SNTG1: variants seen among roughly 807,000 people sequenced by gnomAD.
The protein encoded by SNTG1 is syntrophin gamma 1.
Under a neutral mutation model 74.7 loss-of-function variants are expected in SNTG1, and 39 were observed. That is an observed-to-expected ratio of 0.52 (90% CI 0.40 to 0.68). The LOEUF (loss-of-function observed/expected upper bound fraction) is 0.68, where lower values mean the gene tolerates loss of function less well. SNTG1 is among the 30% of genes least tolerant of loss of function. The pLI is 0.00. For missense variants in SNTG1, 685 were observed against 609.5 expected, an observed-to-expected ratio of 1.12 and a Z score of -1.30; for synonymous variants, 254 against 217.1, an observed-to-expected ratio of 1.17 and a Z score of -1.49.
At chr8:50,414,485 T>G (rs1196443465) in intron 4 of SNTG1, among the ~76,000 whole-genome samples, 3 of 152,138 alleles carry the variant, frequency 2.0e-5, no homozygotes, top group Non-Finnish European at 4.4e-5. Flanking sequence ...CCTGTCCTGC[T>G]TGGGTCCTTC....
At chr8:50,591,202 A>G (rs1001471361) in intron 13 of SNTG1, among the ~76,000 whole-genome samples, 1 of 152,116 alleles carries the variant, frequency 6.6e-6, no homozygotes, top group African/African-American at 2.4e-5. Flanking sequence ...TTTTATTTAC[A>G]TATGTTAGTT....
intron 1 of SNTG1, among the ~76,000 whole-genome samples, chr8:50,164,824 C>G (rs1211136572): frequency 6.6e-6 from 1 of 152,110 alleles, no homozygotes; most frequent in Non-Finnish European, 1.5e-5. Flanking sequence ...ACTTATTATG[C>G]TCCTTGGCTT....
chr8:50,667,799 T>G (rs2095257867), intron 15 of SNTG1, among the ~76,000 whole-genome samples: 1 of 151,982 alleles, frequency 6.6e-6, no homozygotes, highest in Non-Finnish European at 1.5e-5. Flanking sequence ...GCTTTACATT[T>G]TATTAAGTAA....
chr8:50,448,892 G>A (rs977378091), intron 5 of SNTG1, among the ~76,000 whole-genome samples: 1 of 83,568 alleles, frequency 1.2e-5, no homozygotes, highest in African/African-American at 2.6e-5. Context: ...AATTAGCTGG[G>A]CATGGCGCAC....
intron 2 of SNTG1, among the ~76,000 whole-genome samples, chr8:50,286,126 T>A (rs968894003): frequency 6.6e-6 from 1 of 152,158 alleles, no homozygotes; most frequent in South Asian, 2.1e-4. Context: ...CTGTTCTGTT[T>A]TCTGTTCTAT....
chr8:50,160,350 G>A (rs2082377064), intron 1 of SNTG1, among the ~76,000 whole-genome samples: 1 of 152,112 alleles, frequency 6.6e-6, no homozygotes. Flanking sequence ...ATGGTAACTG[G>A]TAACCTTTTG....
intron 1 of SNTG1, among the ~76,000 whole-genome samples, chr8:50,094,604 T>C (rs1268544554): frequency 6.6e-6 from 1 of 152,030 alleles, no homozygotes; most frequent in Non-Finnish European, 1.5e-5. Context: ...TCACTAATCA[T>C]AGAGAAATGC....
intron 9 of SNTG1, among the ~76,000 whole-genome samples, chr8:50,526,414 C>T (rs763440131): frequency 4.6e-5 from 7 of 152,110 alleles, no homozygotes; most frequent in Non-Finnish European, 7.4e-5. Context: ...GGTCTTTTTA[C>T]CCATTTTTAA....
At chr8:50,095,440 C>A (rs2131190292) in intron 1 of SNTG1, among the ~76,000 whole-genome samples, 1 of 152,256 alleles carries the variant, frequency 6.6e-6, no homozygotes, top group Middle Eastern at 3.4e-3. Context: ...TGAAGAAAGT[C>A]ATTCTGGACA....
At chr8:50,303,305 T>G (rs2089732228) in intron 2 of SNTG1, among the ~76,000 whole-genome samples, 1 of 152,084 alleles carries the variant, frequency 6.6e-6, no homozygotes, top group African/African-American at 2.4e-5. Context: ...AGAGTAAGGG[T>G]GTTTTTAAAT....
chr8:50,596,484 GA>G (rs2094727947), intron 13 of SNTG1, among the ~76,000 whole-genome samples: 1 of 151,998 alleles, frequency 6.6e-6, no homozygotes, highest in East Asian at 1.9e-4. Context: ...GTGAGGTATA[GA>G]TTAAAGCTAT....
chr8:50,507,327 G>C (rs1193367913), intron 9 of SNTG1, among the ~76,000 whole-genome samples: 4 of 151,914 alleles, frequency 2.6e-5, no homozygotes, highest in African/African-American at 9.7e-5. Flanking sequence ...TCAGTATCTG[G>C]GTAATGTTCA....
chr8:50,676,781 ATGTT>A (rs1218008051), intron 15 of SNTG1, among the ~76,000 whole-genome samples: 1 of 151,916 alleles, frequency 6.6e-6, no homozygotes, highest in Non-Finnish European at 1.5e-5. Flanking sequence ...AATTCTCAAA[ATGTT>A]TGTTTATTCT....
intron 2 of SNTG1, among the ~76,000 whole-genome samples, chr8:50,332,946 T>C (rs1161212841): frequency 1.3e-5 from 2 of 152,214 alleles, no homozygotes; most frequent in African/African-American, 2.4e-5. Flanking sequence ...TATTTCTTCT[T>C]TGTTCTCACA....
intron 13 of SNTG1, among the ~76,000 whole-genome samples, chr8:50,619,049 T>C (rs1277407868): frequency 6.6e-6 from 1 of 152,162 alleles, no homozygotes; most frequent in Non-Finnish European, 1.5e-5. Context: ...TGTTTCCTGC[T>C]ATCATTTTTA....
chr8:50,784,791 C>T (rs1292491384), intron 18 of SNTG1, among the ~76,000 whole-genome samples: 3 of 152,128 alleles, frequency 2.0e-5, no homozygotes, highest in African/African-American at 7.2e-5. Context: ...TCTAAGATCA[C>T]TTGTATGTCA....
chr8:49,934,303 CTATCTA>C (rs2129361467), intron 1 of SNTG1, among the ~76,000 whole-genome samples: 1 of 149,914 alleles, frequency 6.7e-6, no homozygotes, highest in South Asian at 2.1e-4. Flanking sequence ...ATCTATCTAT[CTATCTA>C]TCTATCTATC....
At chr8:50,398,758 C>A (rs928931900) in intron 3 of SNTG1, among the ~76,000 whole-genome samples, 1 of 152,084 alleles carries the variant, frequency 6.6e-6, no homozygotes, top group Non-Finnish European at 1.5e-5. Flanking sequence ...GGTGAAACCC[C>A]GTCTCTACTA....
intron 1 of SNTG1, among the ~76,000 whole-genome samples, chr8:49,967,197 G>C (rs1042458226): frequency 2.6e-5 from 4 of 152,158 alleles, no homozygotes; most frequent in Non-Finnish European, 5.9e-5. Flanking sequence ...TACAGTATAG[G>C]TTATTTCTTC....
Sources: allele counts gnomAD v4.1 joint callset (sites outside exome capture counted in the v4.1 genomes callset), GRCh38; gene constraint gnomAD v4.1.1; transcripts MANE v1.5; gene names NCBI Gene and HGNC (gene_info 2026-07-23, HGNC 2026-07-21).